AR: variants seen among roughly 807,000 people sequenced by gnomAD.
AR encodes the protein androgen receptor.
In AR, 8 loss-of-function variants were observed where a neutral mutation model predicts 53.9. The ratio of observed to expected loss-of-function variants is 0.15; its 90% confidence interval spans 0.09 to 0.27. AR has a LOEUF of 0.27. Ranked by LOEUF, AR falls within the 10% of genes least tolerant of loss-of-function variation. The pLI is 1.00. For missense variants in AR, 639 were observed against 742.5 expected (o/e 0.86, Z 1.62); for synonymous variants, 359 against 316.4 (o/e 1.13, Z -1.43).
chrX:67,546,335 A>G lies in AR; in HGVS notation c.1189A>G (p.Ser397Gly), dbSNP rs2147320663. Residue 397 changes from serine to glycine, a missense_variant, in exon 1 of 8, where the codon AGC (serine) becomes GGC (glycine). Transcript: ENST00000374690. ...IKLENPLDYG[S>G]AWAAAAAQCR... is the part of the protein sequence containing the mutation. ...GCTGGAGAACCCGCTGGACTACGGC[A>G]GCGCCTGGGCGGCTGCGGCGGCGCA... 1 of 1,192,861 alleles carries G rather than the reference A, an allele frequency of 8.4e-7. No individual in the cohort carries two copies. Among genetic ancestry groups the G allele is most frequent in the Non-Finnish European group, 1.1e-6 (1 of 886,776 alleles).
At chrX:67,565,100 G>C (rs1417351673) in intron 1 of AR, among the ~76,000 whole-genome samples, 2 of 111,535 alleles carry the variant, frequency 1.8e-5, no homozygotes. Context: ...CAGTGGCACA[G>C]CCTCCCACTC....
At chrX:67,706,078 A>C (rs777860619) in intron 3 of AR, among the ~76,000 whole-genome samples, 10 of 111,834 alleles carry the variant, frequency 8.9e-5, no homozygotes, top group African/African-American at 2.9e-4. Context: ...TTGCATCGAT[A>C]TTCATCAGGG....
intron 1 of AR, among the ~76,000 whole-genome samples, chrX:67,599,834 T>A (rs1202006531): frequency 1.8e-5 from 2 of 112,320 alleles, no homozygotes; most frequent in African/African-American, 6.5e-5. Context: ...CAATTTTACA[T>A]GTCATTGCCA....
rs1378132184 is a variant in AR at position 67,711,498 on chromosome X, C to A, written c.1982C>A (p.Thr661Lys). 8.3e-7 allele frequency: 1 copy of A among 1,210,985 alleles called. No individual in the cohort carries two copies. Among genetic ancestry groups the A allele is most frequent in the Non-Finnish European group, 1.1e-6 (1 of 895,219 alleles). The change falls in exon 4 of 8, where the codon ACA becomes AAA. Residue 661 changes from threonine to lysine, a missense_variant. By Grantham distance (78) the Thr-to-Lys change is moderately conservative. Around this residue, in one of 5 missense-constraint regions of AR, gnomAD observed 47 missense variants for 35.9 expected, o/e 1.31. Transcript: ENST00000374690. ...ACTGAGGAGACAACCCAGAAGCTGA[C>A]AGTGTCACACATTGAAGGCTATGAA... ...SPTEETTQKLTVSHIEGYECQ... is the reference protein window; with the variant it reads ...SPTEETTQKLKVSHIEGYECQ...
intron 1 of AR, among the ~76,000 whole-genome samples, chrX:67,553,069 G>T (rs2074656146): frequency 9.0e-6 from 1 of 111,104 alleles, no homozygotes; most frequent in Non-Finnish European, 1.9e-5. Flanking sequence ...GTTTGATGAA[G>T]TCCAATTCAT....
rs1555999332 is a variant in AR, at chrX:67,730,183, GA to G, written c.*6344del. On this transcript the variant is annotated 3_prime_UTR_variant, in exon 8 of 8. Coordinates refer to ENST00000374690, the MANE Select transcript of AR (RefSeq NM_000044.6). ...CAATATTGAAGGAAAAAAGAAATAA[GA>G]AGAGAGAGAGAAAGAAAGCATCACA... 2 of 10,207 alleles carry G rather than the reference GA, an allele frequency of 2.0e-4. No individual in the cohort carries two copies. Among genetic ancestry groups the G allele is most frequent in the East Asian group, 0.17 (1 of 6 alleles). The allele number at this position is 10,207 out of a possible 1,213,427, so 0.8% of individuals were successfully genotyped here.
intron 1 of AR, among the ~76,000 whole-genome samples, chrX:67,558,647 A>G (rs774620850): frequency 2.4e-4 from 27 of 111,757 alleles, no homozygotes; most frequent in Non-Finnish European, 4.5e-4. Flanking sequence ...TTGATGACTC[A>G]TGATAGGGAT....
chrX:67,695,115 T>C, intron 3 of AR: 1 of 767,363 alleles, frequency 1.3e-6, no homozygotes, highest in Non-Finnish European at 1.5e-6. Flanking sequence ...CTTTTCGTGG[T>C]GTGCTGCCAG....
In AR at chrX:67,725,134, T is replaced by C; in HGVS notation, c.*1293T>C. 5.7e-6 allele frequency: 1 copy of C among 174,370 alleles called. No homozygotes were observed. The highest frequency in any genetic ancestry group is 1.1e-5 in the Non-Finnish European group (1 of 91,424). 14.4% of individuals were successfully genotyped at this position (174,370 alleles called of 1,213,427 possible). A position where few individuals can be genotyped will look rare whatever the true frequency, so the allele number is the denominator to read the frequency against. ...GGGCCTGAATTTCATCACACTGCATTTCAGCCATGGTCATCAAGCCTGTTT... is the reference window on the plus strand; with the variant it reads ...GGGCCTGAATTTCATCACACTGCATCTCAGCCATGGTCATCAAGCCTGTTT... On this transcript the variant is annotated 3_prime_UTR_variant, in exon 8 of 8. Coordinates refer to ENST00000374690, the MANE Select transcript of AR (RefSeq NM_000044.6).
chrX:67,628,067 G>T (rs1252731291), intron 1 of AR, among the ~76,000 whole-genome samples: 2 of 111,672 alleles, frequency 1.8e-5, no homozygotes, highest in African/African-American at 6.5e-5. Flanking sequence ...AAGTCAGGGA[G>T]TGTGATGCCT....
At chrX:67,661,324 C>T (rs1391346184) in intron 2 of AR, among the ~76,000 whole-genome samples, 2 of 110,879 alleles carry the variant, frequency 1.8e-5, no homozygotes, top group Non-Finnish European at 3.8e-5. Context: ...AGTTTTTGCC[C>T]ATTCAGTATG....
At chrX:67,558,793 T>G (rs1376177027) in intron 1 of AR, among the ~76,000 whole-genome samples, 1 of 112,360 alleles carries the variant, frequency 8.9e-6, no homozygotes, top group Non-Finnish European at 1.9e-5. Flanking sequence ...AAATTGCCAA[T>G]TTTTACAGTC....
chrX:67,545,095 GA>G lies in AR; in HGVS notation c.-50del. On this transcript the variant is annotated 5_prime_UTR_variant, in exon 1 of 8. Coordinates refer to ENST00000374690, the MANE Select transcript of AR (RefSeq NM_000044.6). ...GCCTGTTGAACTCTTCTGAGCAAGA[GA>G]AGGGGAGGCGGGGTAAGGGAAGTAG... 8.6e-7 allele frequency: 1 copy of G among 1,165,804 alleles called. No individual in the cohort carries two copies. Among genetic ancestry groups the G allele is most frequent in the Non-Finnish European group, 1.1e-6 (1 of 874,896 alleles).
chrX:67,701,545 T>C (rs955064516), intron 3 of AR, among the ~76,000 whole-genome samples: 2 of 111,681 alleles, frequency 1.8e-5, no homozygotes, highest in Admixed American at 9.5e-5. Context: ...GATACACAAG[T>C]TTCAGGAATT....
intron 1 of AR, among the ~76,000 whole-genome samples, chrX:67,616,670 A>G (rs910813629): frequency 9.0e-6 from 1 of 110,593 alleles, no homozygotes; most frequent in Admixed American, 9.7e-5. Flanking sequence ...ACGACAACCC[A>G]TTTTCCTGCA....
intron 1 of AR, among the ~76,000 whole-genome samples, chrX:67,579,831 TC>T (rs1922211073): frequency 8.9e-6 from 1 of 111,802 alleles, no homozygotes; most frequent in South Asian, 3.7e-4. Flanking sequence ...AGGTTTGTTT[TC>T]CTCCAGGTGT....
At chrX:67,713,876 T>C (rs2076103049) in intron 4 of AR, among the ~76,000 whole-genome samples, 4 of 111,984 alleles carry the variant, frequency 3.6e-5, no homozygotes, top group Non-Finnish European at 7.5e-5. Flanking sequence ...ACCCCAAGTC[T>C]TTTAAAAGAA....
rs1484161373 is a variant in AR at position 67,727,016 on chromosome X, G to C, written c.*3175G>C. 5.8e-6 allele frequency: 1 copy of C among 172,487 alleles called. No homozygotes were observed. Among genetic ancestry groups the C allele is most frequent in the African/African-American group, 2.9e-5 (1 of 34,060 alleles). The allele number at this position is 172,487 out of a possible 1,213,427, so 14.2% of individuals were successfully genotyped here. A position where few individuals can be genotyped will look rare whatever the true frequency, so the allele number is the denominator to read the frequency against. On this transcript the variant is annotated 3_prime_UTR_variant, in exon 8 of 8. Coordinates refer to ENST00000374690, the MANE Select transcript of AR (RefSeq NM_000044.6). ...GAGCACCAGGGAGAAGGCTCCGTCT[G>C]TGCTGGGCAGCAGACAGCTGCCAGG...
intron 3 of AR, among the ~76,000 whole-genome samples, chrX:67,703,779 A>G (rs1008676515): frequency 4.5e-5 from 5 of 110,898 alleles, no homozygotes; most frequent in African/African-American, 1.6e-4. Context: ...ATATCTCCTA[A>G]TGCTATCCCT....
Sources: allele counts gnomAD v4.1 joint callset (sites outside exome capture counted in the v4.1 genomes callset), GRCh38; gene constraint gnomAD v4.1.1; regional missense constraint gnomAD v4.1.1; transcripts MANE v1.5; gene names NCBI Gene and HGNC (gene_info 2026-07-23, HGNC 2026-07-21).